Variants in SETD3 observed in about 807,000 individuals in gnomAD.
SETD3 encodes SET domain containing 3, actin N3(tau)-histidine methyltransferase.
A neutral mutation model predicts 63.0 loss-of-function variants in SETD3; 19 were observed. The ratio of observed to expected loss-of-function variants is 0.30; its 90% CI spans 0.21 to 0.44. The LOEUF is 0.44. Ranked by LOEUF, SETD3 falls within the 20% of genes least tolerant of loss-of-function variation. The probability of loss-of-function intolerance (pLI) is 1.00; values close to 1 mark genes in which losing one functional copy is unlikely to be tolerated. For missense variants in SETD3, 587 were observed against 728.5 expected (o/e 0.81, Z 2.24); for synonymous variants, 286 against 264.1 (o/e 1.08, Z -0.80).
chr14:99,464,844 G>A (rs1895277280), intron 2 of SETD3, among the ~76,000 whole-genome samples: 1 of 152,202 alleles, frequency 6.6e-6, no homozygotes. Flanking sequence ...ACTACAGCAT[G>A]TAAAAATCAG....
chr14:99,399,308 T>C (rs953051069), intron 12 of SETD3, among the ~76,000 whole-genome samples, 183 bp from the exon 13 acceptor site: 2 of 152,168 alleles, frequency 1.3e-5, no homozygotes, highest in Non-Finnish European at 2.9e-5. Context: ...GCTTCAGAAG[T>C]ATGCCTTTCA....
chr14:99,448,229 T>C (rs1454074728), intron 6 of SETD3, among the ~76,000 whole-genome samples: 1 of 151,884 alleles, frequency 6.6e-6, no homozygotes, highest in East Asian at 1.9e-4. Flanking sequence ...GGACTGAAAC[T>C]CCCTCACAGG....
In SETD3 at chr14:99,440,793, C is replaced by T. The variant is rs1287243728; in HGVS notation, c.675+17486G>A. ...TGTTGTGGGAGTATATTTCACATCA[C>T]CCCATTTTTTGGAAAATACAGAAAG... On this transcript the variant is annotated intron_variant, in intron 6 of 12. Transcript: ENST00000331768. 3.3e-5 allele frequency among the ~76,000 whole-genome samples: 5 copies of T among 150,352 alleles called. 1 individual carries two copies. The South Asian group carries it at 8.4e-4, about 25-fold the overall frequency.
At chr14:99,483,041 ATTC>A (rs1483662705), upstream of SETD3, among the ~76,000 whole-genome samples, 1 of 152,248 alleles carries the variant, frequency 6.6e-6, no homozygotes, top group East Asian at 1.9e-4. Context: ...TAAAATCGTT[ATTC>A]TTAGATTTTG....
At chr14:99,453,465 T>G (rs1300427453) in intron 6 of SETD3, among the ~76,000 whole-genome samples, 4 of 152,216 alleles carry the variant, frequency 2.6e-5, no homozygotes, top group Non-Finnish European at 5.9e-5. Flanking sequence ...GCCACCGCAG[T>G]GCACCTCATT....
chr14:99,398,973 A>G lies in SETD3; in HGVS notation c.1491T>C (p.Ala497=). ...TACTCTCTTCATATTTGGGAAGCGG[A>G]GCCTTTTCCTCCATCTGTTGGCGAT... ...EYYRQQMEEK[A]PLPKYEESNL... Residue 497 remains alanine, a synonymous_variant, in exon 13 of 13, where the codon GCT becomes GCC. Coordinates refer to ENST00000331768, the MANE Select transcript of SETD3 (RefSeq NM_032233.3). 1.2e-6 allele frequency: 2 copies of G among 1,614,148 alleles called. No homozygotes were observed. Among genetic ancestry groups the G allele is most frequent in the Non-Finnish European group, 1.7e-6 (2 of 1,180,022 alleles).
chr14:99,481,348 C>A, upstream of SETD3: 1 of 398,532 alleles, frequency 2.5e-6, no homozygotes, highest in South Asian at 1.3e-4. Context: ...GCATCCTACT[C>A]TCTCCGCCCC....
In SETD3 at chr14:99,406,556, C is replaced by T. The variant is rs755960995; in HGVS notation, c.884G>A (p.Cys295Tyr). The T allele has an allele frequency of 1.2e-6, 2 of 1,614,108 alleles. No individual in the cohort carries two copies. Among genetic ancestry groups the T allele is most frequent in the Non-Finnish European group, 8.5e-7 (1 of 1,180,056 alleles). The change falls in exon 9 of 13, where the codon TGT (cysteine) becomes TAT (tyrosine). Residue 295 changes from cysteine to tyrosine, a missense_variant. Cys to Tyr is a radical substitution (Grantham distance 194). Transcript: ENST00000331768. ...TTGYNLEDDR[C>Y]ECVALQDFRA... is the part of the protein sequence containing the mutation. Reference sequence around the variant, plus strand: ...AAAATCCTGCAGAGCCACACACTCACAGCGGTCATCTTCCAGGTTGTAACC... The same window carrying T: ...AAAATCCTGCAGAGCCACACACTCATAGCGGTCATCTTCCAGGTTGTAACC...
At chr14:99,399,433 T>A (rs1236534260) in intron 12 of SETD3, among the ~76,000 whole-genome samples, 1 of 131,926 alleles carries the variant, frequency 7.6e-6, no homozygotes, top group Non-Finnish European at 1.7e-5. Context: ...TCATCCTGTC[T>A]ATCTTGGGCA....
intron 1 of SETD3, among the ~76,000 whole-genome samples, chr14:99,478,539 G>A (rs1273458807): frequency 6.6e-5 from 10 of 152,114 alleles, no homozygotes; most frequent in Admixed American, 6.5e-4. Context: ...TTAAAACATT[G>A]AAGAAAACTG....
chr14:99,474,145 A>AC (rs753992485), intron 1 of SETD3, among the ~76,000 whole-genome samples: 3 of 151,698 alleles, frequency 2.0e-5, no homozygotes, highest in Non-Finnish European at 4.4e-5. Context: ...ACATGATGAG[A>AC]CCCCCGCCAG....
At chr14:99,477,426 T>A (rs900447703) in intron 1 of SETD3, among the ~76,000 whole-genome samples, 1 of 152,132 alleles carries the variant, frequency 6.6e-6, no homozygotes, top group African/African-American at 2.4e-5. Flanking sequence ...AGATGCTAAT[T>A]TTTTTTTCAA....
chr14:99,459,189 G>T lies in SETD3; in HGVS notation c.346-4C>A. 6.2e-7 allele frequency: 1 copy of T among 1,601,264 alleles called. No homozygotes were observed. Among genetic ancestry groups the T allele is most frequent in the Non-Finnish European group, 8.5e-7 (1 of 1,171,958 alleles). On this transcript the variant is annotated splice_region_variant and splice_polypyrimidine_tract_variant and intron_variant, in intron 4 of 12. Transcript: ENST00000331768. ...CCCATAAAAACAATTCTTCTGCCTA[G>T]GGAAAAAAATAATAATAGGAGAATC...
chr14:99,453,802 G>C (rs369349533), intron 6 of SETD3, among the ~76,000 whole-genome samples: 3 of 151,952 alleles, frequency 2.0e-5, no homozygotes, highest in Non-Finnish European at 1.5e-5. Context: ...CTCCACCCTA[G>C]GTGATAGAGC....
rs1257279112 is a variant in SETD3, at chr14:99,400,084, A to C, written c.1338+15T>G. 3 of 1,593,288 alleles carry C rather than the reference A, an allele frequency of 1.9e-6. No individual in the cohort carries two copies. In the East Asian group the frequency reaches 6.9e-5, roughly 36 times the overall value. The stretch of plus-strand genomic sequence containing the variant: ...ACACAACAAGTTCAAAACCTCATTT[A>C]TTTAGTGTAATTACCTCAATAGTTG... On this transcript the variant is annotated intron_variant, in intron 12 of 12. Coordinates refer to ENST00000331768, the MANE Select transcript of SETD3 (RefSeq NM_032233.3).
chr14:99,414,066 C>A (rs1216301283), intron 6 of SETD3, 132 bp from the exon 7 acceptor site: 2 of 777,226 alleles, frequency 2.6e-6, no homozygotes, highest in East Asian at 2.6e-5. Context: ...CGGCGTCCAG[C>A]CGCGCTACAG....
intron 6 of SETD3, 71 bp from the exon 7 acceptor site, chr14:99,414,005 T>C: frequency 1.4e-6 from 2 of 1,405,490 alleles, no homozygotes; most frequent in South Asian, 1.2e-5. Context: ...GTCAGCAGAA[T>C]TTCATTATTT....
At chr14:99,420,783 C>T (rs1892544597) in intron 6 of SETD3, among the ~76,000 whole-genome samples, 1 of 152,032 alleles carries the variant, frequency 6.6e-6, no homozygotes, top group Admixed American at 6.5e-5. Flanking sequence ...GCCCACCAGT[C>T]CTCTGTACCA....
chr14:99,434,863 AAAAAAAAAAAAAAC>A (rs1292550865), intron 6 of SETD3, among the ~76,000 whole-genome samples: 3 of 150,272 alleles, frequency 2.0e-5, no homozygotes, highest in African/African-American at 7.3e-5. Flanking sequence ...AAAAAAAAAA[AAAAAAAAAAAAAAC>A]AACCTACATT....
Sources: gnomAD v4.1 joint callset for allele counts (sites outside exome capture counted in the v4.1 genomes callset) on GRCh38, gnomAD v4.1.1 for gene constraint, MANE v1.5 for transcripts, NCBI Gene and HGNC (gene_info 2026-07-23, HGNC 2026-07-21) for gene names.